The following RBPJ variants were observed in gnomAD, a reference collection of about 807,000 sequenced individuals.
The protein encoded by RBPJ is recombining binding protein suppressor of hairless.
A neutral mutation model predicts 67.8 loss-of-function variants in RBPJ; 9 were observed. The observed-to-expected ratio is 0.13, with a 90% CI of 0.08 to 0.23. The LOEUF is 0.23. Ranked by LOEUF, RBPJ falls within the 10% of genes least tolerant of loss-of-function variation. The probability of loss-of-function intolerance (pLI) is 1.00; values close to 1 mark genes in which losing one functional copy is unlikely to be tolerated. For synonymous variants in RBPJ, 198 were observed against 203.3 expected, an observed-to-expected ratio of 0.97 and a Z score of 0.22; for missense variants, 305 against 595.6, an observed-to-expected ratio of 0.51 and a Z score of 5.08.
chr4:26,409,799 A>G (rs915965997), intron 3 of RBPJ, among the ~76,000 whole-genome samples: 4 of 152,236 alleles, frequency 2.6e-5, no homozygotes, highest in East Asian at 3.9e-4. Context: ...CACCCAGCCT[A>G]TTTTCAATTT....
chr4:26,374,743 C>T (rs926051587), intron 1 of RBPJ, among the ~76,000 whole-genome samples: 22 of 152,188 alleles, frequency 1.4e-4, no homozygotes, highest in Admixed American at 1.4e-3. Flanking sequence ...GCTGGGATTA[C>T]AGGCGTGAGC....
chr4:26,295,257 T>TGTGTGTGTGTGTGG (rs1721828578), intron 1 of RBPJ, among the ~76,000 whole-genome samples: 2 of 151,718 alleles, frequency 1.3e-5, no homozygotes, highest in Non-Finnish European at 2.9e-5. Flanking sequence ...TGTGTGTGTG[T>TGTGTGTGTGTGTGG]GTGTGTGTGT....
At chr4:26,334,648 T>A (rs1192572356) in intron 1 of RBPJ, among the ~76,000 whole-genome samples, 1 of 152,228 alleles carries the variant, frequency 6.6e-6, no homozygotes, top group Non-Finnish European at 1.5e-5. Flanking sequence ...GACTTGGTCT[T>A]GTTTTTATTT....
the RBPJ span, among the ~76,000 whole-genome samples, chr4:26,109,237 A>G: frequency 6.7e-6 from 1 of 150,078 alleles, no homozygotes; most frequent in Non-Finnish European, 1.5e-5. Context: ...CCTTCCAAGT[A>G]GCTGGGATTA....
the RBPJ span, among the ~76,000 whole-genome samples, chr4:26,111,195 GC>G: frequency 6.7e-6 from 1 of 148,958 alleles, no homozygotes; most frequent in African/African-American, 2.4e-5. Context: ...AAGGTGATTG[GC>G]CCAGCCCCCC....
chr4:26,335,276 G>A (rs890950637), intron 1 of RBPJ, among the ~76,000 whole-genome samples: 7 of 151,962 alleles, frequency 4.6e-5, no homozygotes, highest in Admixed American at 2.6e-4. Context: ...CCGCCTCCTG[G>A]GTTCAAGTGA....
chr4:26,353,775 A>AT (rs1258470650), intron 1 of RBPJ, among the ~76,000 whole-genome samples: 1 of 147,570 alleles, frequency 6.8e-6, no homozygotes, highest in East Asian at 2.0e-4. Context: ...CGCCTGGCTA[A>AT]TTTTTTTGTA....
At chr4:26,327,807 T>G (rs1351859186) in intron 1 of RBPJ, among the ~76,000 whole-genome samples, 1 of 152,100 alleles carries the variant, frequency 6.6e-6, no homozygotes, top group Non-Finnish European at 1.5e-5. Context: ...ATCATGCCAC[T>G]GTACTCCAGC....
At chr4:26,292,819 TTA>T (rs1233807166) in intron 1 of RBPJ, among the ~76,000 whole-genome samples, 2 of 149,884 alleles carry the variant, frequency 1.3e-5, no homozygotes, top group South Asian at 2.1e-4. Flanking sequence ...TATGGTGTGT[TTA>T]TATATATATA....
chr4:26,258,683 G>A (rs78396330), intron 1 of RBPJ, among the ~76,000 whole-genome samples: 3,639 of 152,272 alleles, frequency 0.024, 60 homozygotes, highest in Non-Finnish European at 0.035. Flanking sequence ...AATACTAGTC[G>A]TTTAGTCCAT....
chr4:26,428,880 G>A lies in RBPJ; in HGVS notation c.888+20G>A. The A allele has an allele frequency of 6.3e-7, 1 of 1,578,332 alleles. No homozygotes were observed. Among genetic ancestry groups the A allele is most frequent in the Non-Finnish European group, 8.7e-7 (1 of 1,148,870 alleles). On this transcript the variant is annotated intron_variant, in intron 8 of 10. Transcript: ENST00000355476. ...TTTCAGGTATGTTTTTAAATTACTG[G>A]TGAAATCTAAAATGTACAAACTGTG...
intron 1 of RBPJ, among the ~76,000 whole-genome samples, chr4:26,378,317 C>T (rs1729968963): frequency 6.6e-6 from 1 of 152,120 alleles, no homozygotes; most frequent in East Asian, 1.9e-4. Context: ...GAGTAGTTTG[C>T]CCCAGAGTCT....
At chr4:26,255,505 G>A (rs1035670205) in intron 1 of RBPJ, among the ~76,000 whole-genome samples, 11 of 147,692 alleles carry the variant, frequency 7.4e-5, no homozygotes, top group Non-Finnish European at 1.6e-4. Flanking sequence ...TCCAGCTTCA[G>A]AAATCACCTA....
the RBPJ span, among the ~76,000 whole-genome samples, chr4:26,114,802 C>A: frequency 6.6e-6 from 1 of 151,980 alleles, no homozygotes; most frequent in Non-Finnish European, 1.5e-5. Context: ...CTAGCGTCAC[C>A]TCATATTGAC....
rs1410292839 is a variant in RBPJ, at chr4:26,404,531, A to T, written c.60-1644A>T. ...ATTCACTGCCGTGGCTCACCTTAGAATCTCACAAAATTTGTGTGAATTCCT... is the reference window on the plus strand; with the variant it reads ...ATTCACTGCCGTGGCTCACCTTAGATTCTCACAAAATTTGTGTGAATTCCT... On this transcript the variant is annotated intron_variant, in intron 2 of 10. Coordinates refer to ENST00000355476, the MANE Select transcript of RBPJ (RefSeq NM_015874.6). 2.0e-5 allele frequency among the ~76,000 whole-genome samples: 3 copies of T among 152,298 alleles called. No individual in the cohort carries two copies. In the East Asian group the frequency reaches 5.8e-4, roughly 29 times the overall value.
upstream of RBPJ, among the ~76,000 whole-genome samples, chr4:26,160,947 G>A (rs1716066199): frequency 6.6e-6 from 1 of 152,194 alleles, no homozygotes; most frequent in Non-Finnish European, 1.5e-5. Context: ...ATCAGCTGGA[G>A]TACCAAATAC....
At chr4:26,318,996 C>CAAAAAA (rs201084739), upstream of RBPJ, among the ~76,000 whole-genome samples, 7 of 83,870 alleles carry the variant, frequency 8.3e-5, no homozygotes, top group South Asian at 6.5e-4. Context: ...GACTCCGTCT[C>CAAAAAA]AAAAAAAAAA....
At chr4:26,420,460 T>G in intron 4 of RBPJ, 91 bp from the exon 5 acceptor site, 1 of 799,440 alleles carries the variant, frequency 1.3e-6, no homozygotes. Flanking sequence ...ATTGTTTTAC[T>G]TATTACTTAA....
intron 1 of RBPJ, among the ~76,000 whole-genome samples, chr4:26,183,845 T>G (rs1022538991): frequency 6.6e-6 from 1 of 152,058 alleles, no homozygotes; most frequent in Non-Finnish European, 1.5e-5. Flanking sequence ...ATCCCTTTTC[T>G]ACTAAAAATA....
Sources: gnomAD v4.1 joint callset for allele counts (sites outside exome capture counted in the v4.1 genomes callset) on GRCh38, gnomAD v4.1.1 for gene constraint, MANE v1.5 for transcripts, NCBI Gene and HGNC (gene_info 2026-07-23, HGNC 2026-07-21) for gene names.